Variants in PISD observed in about 807,000 individuals in gnomAD.
The protein encoded by PISD is phosphatidylserine decarboxylase proenzyme, mitochondrial.
A neutral mutation model predicts 43.5 loss-of-function variants in PISD; 31 were observed. That is an observed-to-expected ratio of 0.71 (90% confidence interval 0.54 to 0.96). The LOEUF is 0.96. Among genes scored for constraint, PISD ranks in the 40% least tolerant of loss-of-function variants. The probability of loss-of-function intolerance (pLI) is 0.00; values close to 1 mark genes in which losing one functional copy is unlikely to be tolerated. For synonymous variants in PISD, 259 were observed against 228.7 expected, an observed-to-expected ratio of 1.13 and a Z score of -1.20; for missense variants, 523 against 548.4, an observed-to-expected ratio of 0.95 and a Z score of 0.46.
At chr22:31,659,783 C>CA (rs1309273660) in intron 1 of PISD, among the ~76,000 whole-genome samples, 1 of 152,018 alleles carries the variant, frequency 6.6e-6, no homozygotes, top group African/African-American at 2.4e-5. Context: ...GGGGTTTCAG[C>CA]ATGTTGGCCA....
In PISD at chr22:31,630,724, G is replaced by A; in HGVS notation, c.322-8839C>T. On this transcript the variant is annotated intron_variant, in intron 3 of 7. Transcript: ENST00000439502. The surrounding 1 kb of genome is among the most constrained non-coding windows in gnomAD (Gnocchi z 4.4). ...CACCCCCACCCGGCACTGGCCCTCT[G>A]AGCGGGCAGGGTGGGGCGCCTCCCT... The A allele has an allele frequency of 1.0e-6, 1 of 985,420 alleles. No individual in the cohort carries two copies. The highest frequency in any genetic ancestry group is 1.2e-6 in the Non-Finnish European group (1 of 829,896). The allele number at this position is 985,420 out of a possible 1,614,324, so 61.0% of individuals were successfully genotyped here.
intron 4 of PISD, 56 bp from the exon 5 acceptor site, chr22:31,621,528 A>G (rs376116795): frequency 6.2e-6 from 10 of 1,608,520 alleles, no homozygotes; most frequent in African/African-American, 2.7e-5. Context: ...TCCCCCCAGG[A>G]GACAGCCCCC....
At chr22:31,634,791 T>C (rs2147716539) in intron 3 of PISD, among the ~76,000 whole-genome samples, 1 of 139,552 alleles carries the variant, frequency 7.2e-6, no homozygotes, top group Middle Eastern at 4.0e-3. Flanking sequence ...TGAGCTGAGA[T>C]TGCCACTGCA....
intron 3 of PISD, among the ~76,000 whole-genome samples, chr22:31,643,257 C>A (rs1472982738): frequency 1.3e-5 from 2 of 152,148 alleles, no homozygotes; most frequent in Admixed American, 6.5e-5. Context: ...TTGCTATATT[C>A]ATCTCCGTCA....
At chr22:31,631,875 G>A in intron 3 of PISD, among the ~76,000 whole-genome samples, 1 of 152,182 alleles carries the variant, frequency 6.6e-6, no homozygotes, top group East Asian at 1.9e-4. Context: ...CCACTGAACA[G>A]GATACAATTC....
chr22:31,652,628 G>A (rs112814832), intron 1 of PISD, among the ~76,000 whole-genome samples: 8,248 of 151,580 alleles, frequency 0.054, 204 homozygotes, highest in Non-Finnish European at 0.065. Context: ...CCAACATGGT[G>A]CAACCCCGTC....
upstream of PISD, chr22:31,662,307 G>A: frequency 7.9e-7 from 1 of 1,266,308 alleles, no homozygotes; most frequent in Non-Finnish European, 1.1e-6. Flanking sequence ...TGAGAAAAGC[G>A]CGGGTTGGGG....
rs1238612308 is a variant in PISD at position 31,618,502 on chromosome 22, A to AT, written c.*1109dup. Reference sequence around the variant, plus strand: ...GGAACAGAACACAGTTTTAAGTTTGATTTTTTTTATTTCAAAATGCTTTGC... The same window carrying AT: ...GGAACAGAACACAGTTTTAAGTTTGATTTTTTTTTATTTCAAAATGCTTTGC... On this transcript the variant is annotated 3_prime_UTR_variant, in exon 8 of 8. Transcript: ENST00000439502. 5.2e-5 allele frequency: 66 copies of AT among 1,280,692 alleles called. No individual in the cohort carries two copies. In the East Asian group the frequency reaches 7.4e-4, roughly 14 times the overall value. 79.3% of individuals were successfully genotyped at this position (1,280,692 alleles called of 1,614,324 possible).
intron 3 of PISD, chr22:31,628,875 T>C: frequency 4.1e-6 from 4 of 985,258 alleles, no homozygotes; most frequent in Non-Finnish European, 4.8e-6. Flanking sequence ...AAAGTCAACC[T>C]CACACTCCGG....
Position 31,619,752 on chromosome 22 carries a change from G to A in PISD, c.1090C>T (p.Pro364Ser), listed in dbSNP as rs753906406. The A allele has an allele frequency of 9.9e-6, 16 of 1,614,144 alleles. No individual in the cohort carries two copies. The highest frequency in any genetic ancestry group is 3.3e-5 in the South Asian group (3 of 91,090). Reference sequence around the variant, plus strand: ...CCCAGGTGCTCGCCCTTACGCATGGGGACGCCCTCTCTATTGGTGTGCGTC... The same window carrying A: ...CCCAGGTGCTCGCCCTTACGCATGGAGACGCCCTCTCTATTGGTGTGCGTC... ...FVTHTNREGV[P>S]MRKGEHLGEF... Residue 364 changes from proline (P) to serine (S), a missense_variant, in exon 8 of 8, where the codon CCC (proline) becomes TCC (serine). Coordinates refer to ENST00000439502, the MANE Select transcript of PISD (RefSeq NM_001326411.2).
chr22:31,645,980 C>A (rs1192038312), intron 3 of PISD, among the ~76,000 whole-genome samples: 3 of 149,562 alleles, frequency 2.0e-5, no homozygotes, highest in African/African-American at 4.9e-5. Flanking sequence ...TTGAAAAATC[C>A]AAAAAAAAAT....
intron 1 of PISD, among the ~76,000 whole-genome samples, chr22:31,652,581 T>G (rs2074057970): frequency 6.6e-6 from 1 of 150,768 alleles, no homozygotes; most frequent in East Asian, 2.0e-4. Context: ...CCGAGGTGGG[T>G]GGATCACTTG....
chr22:31,621,995 G>A (rs904235772), intron 3 of PISD, 110 bp from the exon 4 acceptor site: 19 of 833,128 alleles, frequency 2.3e-5, no homozygotes, highest in Admixed American at 1.6e-4. Context: ...TGCACCCCAC[G>A]GAGGACACCA....
intron 3 of PISD, 63 bp from the exon 4 acceptor site, chr22:31,621,948 AGTG>A (rs2072608328): frequency 8.1e-7 from 1 of 1,233,850 alleles, no homozygotes; most frequent in Admixed American, 1.7e-5. Context: ...GAGCCCAAGT[AGTG>A]TCATTAGCCC....
Position 31,619,377 on chromosome 22 carries a change from T to G in PISD, c.*235A>C, listed in dbSNP as rs1390346696. 1.6e-6 allele frequency: 1 copy of G among 610,086 alleles called. No homozygotes were observed. The highest frequency in any genetic ancestry group is 3.0e-6 in the Non-Finnish European group (1 of 329,786). 37.8% of individuals were successfully genotyped at this position (610,086 alleles called of 1,614,324 possible). A position where few individuals can be genotyped will look rare whatever the true frequency, so the allele number is the denominator to read the frequency against. On this transcript the variant is annotated 3_prime_UTR_variant, in exon 8 of 8. Coordinates refer to ENST00000439502, the MANE Select transcript of PISD (RefSeq NM_001326411.2). ...ACTGAGATCATTCCAGCCTGCACTT[T>G]TTATTTGTAGGCAGAAGGAACGGGA...
chr22:31,622,000 A>G, intron 3 of PISD, 115 bp from the exon 4 acceptor site: 1 of 789,032 alleles, frequency 1.3e-6, no homozygotes, highest in Non-Finnish European at 2.1e-6. Context: ...CCCACGGAGG[A>G]CACCAGGGCC....
chr22:31,621,582 A>T (rs547853789), intron 4 of PISD, 67 bp downstream of exon 4: 2 of 1,596,290 alleles, frequency 1.3e-6, no homozygotes, highest in African/African-American at 2.7e-5. Flanking sequence ...GCTGGAGACC[A>T]GGGGGGCTGT....
intron 1 of PISD, among the ~76,000 whole-genome samples, chr22:31,655,000 TGG>T (rs1214743553): frequency 2.8e-5 from 4 of 141,442 alleles, no homozygotes; most frequent in Non-Finnish European, 6.0e-5. Context: ...TGCTTGAACC[TGG>T]GAGGCAGAGG....
At chr22:31,625,644 G>A in intron 3 of PISD, 1 of 1,316,024 alleles carries the variant, frequency 7.6e-7, no homozygotes, top group Non-Finnish European at 1.1e-6. Context: ...CAGCCTCGGG[G>A]GCTGACCACC....
Sources: gnomAD v4.1 joint callset for allele counts (sites outside exome capture counted in the v4.1 genomes callset) on GRCh38, gnomAD v4.1.1 for gene constraint, Gnocchi (gnomAD v3.1) non-coding constraint, MANE v1.5 for transcripts, NCBI Gene and HGNC (gene_info 2026-07-23, HGNC 2026-07-21) for gene names.